PDSS2: variants seen among roughly 807,000 people sequenced by gnomAD.
The protein encoded by PDSS2 is decaprenyl diphosphate synthase subunit 2, also known as all trans-polyprenyl-diphosphate synthase PDSS2.
In PDSS2, 31 loss-of-function variants were observed where a neutral mutation model predicts 44.5. The ratio of observed to expected loss-of-function variants is 0.70; its 90% CI spans 0.52 to 0.94. PDSS2 has a LOEUF of 0.94. Among genes scored for constraint, PDSS2 ranks in the 40% least tolerant of loss-of-function variants. PDSS2 has a pLI of 0.00. For missense variants in PDSS2, 452 were observed against 482.2 expected (o/e 0.94, Z 0.59); for synonymous variants, 157 against 180.3 (o/e 0.87, Z 1.03).
chr6:107,397,035 G>A (rs551865608), intron 1 of PDSS2, among the ~76,000 whole-genome samples: 15 of 152,198 alleles, frequency 9.9e-5, no homozygotes, highest in Admixed American at 3.9e-4. Context: ...GAGCTAGGAT[G>A]AGATTGGAAT....
intron 1 of PDSS2, among the ~76,000 whole-genome samples, chr6:107,412,516 A>C (rs1780537155): frequency 6.6e-6 from 1 of 152,228 alleles, no homozygotes; most frequent in Non-Finnish European, 1.5e-5. Flanking sequence ...CTGGGATTAC[A>C]GGTGTGAAAC....
chr6:107,310,504 CTG>C (rs1777010528), intron 2 of PDSS2, among the ~76,000 whole-genome samples: 1 of 152,186 alleles, frequency 6.6e-6, no homozygotes, highest in African/African-American at 2.4e-5. Context: ...CCTTAGTTCA[CTG>C]TGAATTTCTG....
chr6:107,311,508 T>G (rs1777046655), intron 2 of PDSS2, among the ~76,000 whole-genome samples: 2 of 152,160 alleles, frequency 1.3e-5, no homozygotes, highest in South Asian at 2.1e-4. Context: ...ACACCCAGCC[T>G]TCAATCAGCA....
chr6:107,162,219 C>A (rs782052825), intron 7 of PDSS2, among the ~76,000 whole-genome samples: 1 of 152,008 alleles, frequency 6.6e-6, no homozygotes, highest in African/African-American at 2.4e-5. Context: ...AATTCCCGGC[C>A]GGGCGCAGTG....
chr6:107,199,519 C>T (rs541562614), intron 6 of PDSS2, among the ~76,000 whole-genome samples: 141 of 152,292 alleles, frequency 9.3e-4, no homozygotes, highest in Non-Finnish European at 1.3e-3. Context: ...AGGCTGGTCT[C>T]GAACTCCTGG....
At chr6:107,417,050 G>A (rs1355453446) in intron 1 of PDSS2, among the ~76,000 whole-genome samples, 1 of 151,972 alleles carries the variant, frequency 6.6e-6, no homozygotes, top group African/African-American at 2.4e-5. Flanking sequence ...GCAATACAGC[G>A]AGACCCCCGT....
At chr6:107,361,193 GAT>G (rs1206127537) in intron 1 of PDSS2, among the ~76,000 whole-genome samples, 1 of 152,070 alleles carries the variant, frequency 6.6e-6, no homozygotes, top group African/African-American at 2.4e-5. Context: ...TTTGATAAAA[GAT>G]ATTAAATCTA....
rs141476518 is a variant in PDSS2 at position 107,349,688 on chromosome 6, G to A, written c.297-15356C>T. Among the ~76,000 whole-genome samples, 692 of 152,244 alleles carry A rather than the reference G, an allele frequency of 4.5e-3. 5 individuals are homozygous for A. Among genetic ancestry groups the A allele is most frequent in the African/African-American group, 0.015 (639 of 41,536 alleles). ...AGCTTGAACCCGGGAGGAGGAGGTT[G>A]TAGTGAGCCGAGATCGTGCCATTGC... On this transcript the variant is annotated intron_variant, in intron 1 of 7. Transcript: ENST00000369037.
intron 2 of PDSS2, among the ~76,000 whole-genome samples, chr6:107,285,934 A>T (rs1292267292): frequency 6.6e-6 from 1 of 151,426 alleles, no homozygotes; most frequent in Non-Finnish European, 1.5e-5. Flanking sequence ...GAGGTCAGGA[A>T]TTCGAGACTA....
intron 1 of PDSS2, among the ~76,000 whole-genome samples, chr6:107,362,722 G>A (rs886766385): frequency 2.6e-5 from 4 of 152,118 alleles, no homozygotes; most frequent in Admixed American, 1.3e-4. Context: ...GATATTATAA[G>A]CAAAGGGTTC....
intron 7 of PDSS2, among the ~76,000 whole-genome samples, chr6:107,180,448 C>G (rs1771933604): frequency 6.6e-6 from 1 of 152,112 alleles, no homozygotes; most frequent in Non-Finnish European, 1.5e-5. Flanking sequence ...ATAAGAGGAA[C>G]AAAGGTGGAA....
chr6:107,198,099 C>CT (rs1394715895), intron 6 of PDSS2, among the ~76,000 whole-genome samples: 4 of 152,198 alleles, frequency 2.6e-5, no homozygotes, highest in Non-Finnish European at 5.9e-5. Context: ...CCATCCCATA[C>CT]TTTGTTTATA....
At chr6:107,330,275 A>G (rs1401375576) in intron 2 of PDSS2, among the ~76,000 whole-genome samples, 1 of 152,134 alleles carries the variant, frequency 6.6e-6, no homozygotes, top group Non-Finnish European at 1.5e-5. Context: ...CTCCTACTCT[A>G]TTGGCTAGAT....
At chr6:107,415,007 T>C (rs1056734390) in intron 1 of PDSS2, among the ~76,000 whole-genome samples, 3 of 152,182 alleles carry the variant, frequency 2.0e-5, no homozygotes, top group Admixed American at 6.5e-5. Context: ...TGAGTGAGGC[T>C]TAGATGTAAT....
intron 1 of PDSS2, among the ~76,000 whole-genome samples, chr6:107,455,653 C>T (rs559147047): frequency 4.0e-4 from 58 of 143,678 alleles, no homozygotes; most frequent in African/African-American, 1.4e-3. Flanking sequence ...ACTGGGGAGG[C>T]TGAGGCAGGA....
chr6:107,305,154 A>T (rs968383363), intron 2 of PDSS2, among the ~76,000 whole-genome samples: 1 of 151,776 alleles, frequency 6.6e-6, no homozygotes, highest in Non-Finnish European at 1.5e-5. Context: ...CAATCAATAA[A>T]TTTTTTTCAT....
chr6:107,157,733 C>T (rs534621595), intron 7 of PDSS2, among the ~76,000 whole-genome samples: 10 of 151,206 alleles, frequency 6.6e-5, no homozygotes, highest in South Asian at 4.2e-4. Context: ...TGCAATGGCG[C>T]GATCTTGGCT....
chr6:107,286,186 TTAAAA>T (rs1036233110), intron 2 of PDSS2, among the ~76,000 whole-genome samples: 2 of 140,484 alleles, frequency 1.4e-5, no homozygotes, highest in African/African-American at 5.3e-5. Context: ...ATTTGAGGAG[TTAAAA>T]TAAACAAAAA....
intron 1 of PDSS2, among the ~76,000 whole-genome samples, chr6:107,409,570 C>T (rs1267895253): frequency 6.6e-6 from 1 of 152,148 alleles, no homozygotes; most frequent in Non-Finnish European, 1.5e-5. Flanking sequence ...TATTTCTGGA[C>T]AAGGAGAGTC....
Sources: allele counts gnomAD v4.1 joint callset (sites outside exome capture counted in the v4.1 genomes callset), GRCh38; gene constraint gnomAD v4.1.1; transcripts MANE v1.5; gene names NCBI Gene and HGNC (gene_info 2026-07-23, HGNC 2026-07-21).